Variants in RAD54L2 observed in about 807,000 individuals in gnomAD.
The protein encoded by RAD54L2 is helicase ARIP4.
In RAD54L2, 27 loss-of-function variants were observed where a neutral mutation model predicts 138.4. The ratio of observed to expected loss-of-function variants is 0.20; its 90% CI spans 0.14 to 0.27. The LOEUF is 0.27. Among genes scored for constraint, RAD54L2 ranks in the 10% least tolerant of loss-of-function variants. The pLI is 1.00. For missense variants in RAD54L2, 1,396 were observed against 1,890.2 expected (o/e 0.74, Z 4.85); for synonymous variants, 644 against 723.2 (o/e 0.89, Z 1.76).
At position 51,663,465 on chromosome 3, in the gene RAD54L2, C is replaced by T. The variant is rs1208542818; in HGVS notation, c.*45C>T. The T allele has an allele frequency of 2.5e-6, 4 of 1,576,686 alleles. No individual in the cohort carries two copies. The highest frequency in any genetic ancestry group is 3.5e-6 in the Non-Finnish European group (4 of 1,157,782). ...CTCACTTGGGGCCCCCAGCAGGTTG[C>T]CCACCAAGCTGAAAGGCAGTGATTT... is the stretch of plus-strand genomic sequence containing the variant. On this transcript the variant is annotated 3_prime_UTR_variant, in exon 23 of 23. Coordinates refer to ENST00000684192, the MANE Select transcript of RAD54L2 (RefSeq NM_015106.4).
rs1211786099 is a variant in RAD54L2 at position 51,635,737 on chromosome 3, C to G, written c.1287C>G (p.His429Gln). The G allele has an allele frequency of 6.2e-7, 1 of 1,613,748 alleles. No individual in the cohort carries two copies. Among genetic ancestry groups the G allele is most frequent in the Non-Finnish European group, 8.5e-7 (1 of 1,179,800 alleles). ...CGAAGAAAACCAAGAAGCGTTCTCA[C>G]CCAGTCATCATTGATCTAGATGAGG... is the stretch of plus-strand genomic sequence containing the variant. ...GRPKKTKKRSHPVIIDLDEED... is the reference protein window; with the variant it reads ...GRPKKTKKRSQPVIIDLDEED... The change falls in exon 10 of 23, where the codon CAC becomes CAG. Residue 429 changes from histidine to glutamine, a missense_variant. By Grantham distance (24) the His-to-Gln change is conservative (BLOSUM62 0). This residue lies in a region of RAD54L2 where 169 missense variants were observed against 235.6 expected (regional missense o/e 0.72). Coordinates refer to ENST00000684192, the MANE Select transcript of RAD54L2 (RefSeq NM_015106.4).
At chr3:51,543,537 G>A (rs1429621192) in intron 2 of RAD54L2, among the ~76,000 whole-genome samples, 1 of 151,720 alleles carries the variant, frequency 6.6e-6, no homozygotes, top group Non-Finnish European at 1.5e-5. Flanking sequence ...GAACCTAGGA[G>A]GCGGAGGTTG....
chr3:51,553,505 A>G (rs1432095467), intron 2 of RAD54L2, among the ~76,000 whole-genome samples: 1 of 152,138 alleles, frequency 6.6e-6, no homozygotes. Flanking sequence ...TGTCACACAC[A>G]TTTTTTGGTT....
At chr3:51,586,923 C>A (rs1442207393) in intron 2 of RAD54L2, among the ~76,000 whole-genome samples, 2 of 152,038 alleles carry the variant, frequency 1.3e-5, no homozygotes, top group Non-Finnish European at 2.9e-5. Context: ...GTGCTGTTTA[C>A]AACCATTGAC....
rs1043085630 is a variant in RAD54L2, at chr3:51,621,015, T to TA, written c.140-6528dup. On this transcript the variant is annotated intron_variant, in intron 3 of 22. Transcript: ENST00000684192. The stretch of plus-strand genomic sequence containing the variant: ...TTCACTTGATTCAGTGTTCAGAAGG[T>TA]AAAAAAAAAACAACACAGTGAAAAG... Among the ~76,000 whole-genome samples the TA allele has an allele frequency of 5.1e-3, 757 of 147,732 alleles. 5 individuals carry two copies. Among genetic ancestry groups the TA allele is most frequent in the African/African-American group, 0.017 (705 of 40,464 alleles).
intron 2 of RAD54L2, among the ~76,000 whole-genome samples, chr3:51,571,600 TCA>T (rs1699338903): frequency 6.6e-6 from 1 of 151,984 alleles, no homozygotes; most frequent in South Asian, 2.1e-4. Flanking sequence ...ACTTCTGACC[TCA>T]GGTGACCTGC....
chr3:51,588,528 G>C (rs1699760673), intron 2 of RAD54L2, among the ~76,000 whole-genome samples: 1 of 108,892 alleles, frequency 9.2e-6, no homozygotes, highest in African/African-American at 3.7e-5. Context: ...GAGTGAAACT[G>C]CATCTCAAAA....
At chr3:51,548,479 C>A (rs1000332260) in intron 2 of RAD54L2, among the ~76,000 whole-genome samples, 1 of 152,166 alleles carries the variant, frequency 6.6e-6, no homozygotes, top group Admixed American at 6.5e-5. Context: ...TGAGCCACCA[C>A]GCCCAGCCAA....
intron 12 of RAD54L2, 112 bp from the exon 13 acceptor site, chr3:51,639,307 A>G: frequency 1.5e-6 from 2 of 1,304,748 alleles, no homozygotes; most frequent in Non-Finnish European, 2.1e-6. Flanking sequence ...TTGGTGTGAC[A>G]GTGTTTATTG....
intron 9 of RAD54L2, among the ~76,000 whole-genome samples, chr3:51,634,707 T>TA (rs1700940614): frequency 6.6e-6 from 1 of 152,200 alleles, no homozygotes; most frequent in Non-Finnish European, 1.5e-5. Flanking sequence ...ATTTCACTTT[T>TA]CTTAAAAACC....
At chr3:51,610,657 A>AAAAAAAAAAAAAAAAAAAAAAC (rs1180965179) in intron 3 of RAD54L2, among the ~76,000 whole-genome samples, 1 of 151,184 alleles carries the variant, frequency 6.6e-6, no homozygotes, top group Middle Eastern at 3.2e-3. Context: ...AAAAAAAAAA[A>AAAAAAAAAAAAAAAAAAAAAAC]CAGAAAGAAT....
intron 16 of RAD54L2, 75 bp downstream of exon 16, chr3:51,644,049 TC>T (rs758377840): frequency 2.5e-6 from 3 of 1,180,946 alleles, no homozygotes; most frequent in Non-Finnish European, 3.6e-6. Context: ...ACCCCAAAAC[TC>T]CAAGTTCCCT....
chr3:51,551,004 A>G (rs1698821350), intron 2 of RAD54L2, among the ~76,000 whole-genome samples: 1 of 152,144 alleles, frequency 6.6e-6, no homozygotes, highest in Non-Finnish European at 1.5e-5. Context: ...CTGAGATGGC[A>G]CCACTGTACT....
intron 22 of RAD54L2, 42 bp downstream of exon 22, chr3:51,660,160 T>C (rs1315131849): frequency 6.8e-7 from 1 of 1,470,558 alleles, no homozygotes; most frequent in African/African-American, 1.4e-5. Context: ...TCAAACAACA[T>C]TTGTTTGCTT....
At chr3:51,634,131 A>G in intron 9 of RAD54L2, 96 bp downstream of exon 9, 1 of 1,430,526 alleles carries the variant, frequency 7.0e-7, no homozygotes. Context: ...TAGCCTGTGC[A>G]TCTAGATTTG....
At chr3:51,657,978 G>A (rs533211834) in intron 21 of RAD54L2, among the ~76,000 whole-genome samples, 20 of 134,136 alleles carry the variant, frequency 1.5e-4, no homozygotes, top group Admixed American at 1.4e-3. Flanking sequence ...AGGCTGGAGT[G>A]CAGTTGCGTG....
At chr3:51,559,013 A>G (rs1699037484) in intron 2 of RAD54L2, among the ~76,000 whole-genome samples, 1 of 152,016 alleles carries the variant, frequency 6.6e-6, no homozygotes, top group Non-Finnish European at 1.5e-5. Flanking sequence ...AGCTGGGATT[A>G]CAGGCGTATA....
chr3:51,660,217 A>G (rs922283876), intron 22 of RAD54L2, 99 bp downstream of exon 22: 4 of 853,992 alleles, frequency 4.7e-6, no homozygotes, highest in African/African-American at 3.3e-5. Context: ...TAATATGTAC[A>G]TGGTTCACAA....
At position 51,573,929 on chromosome 3, in the gene RAD54L2, G is replaced by A. The variant is rs567186676; in HGVS notation, c.-54-16438G>A. Reference sequence around the variant, plus strand: ...TGTTACATATGTATACATGTGCCATGTTGGTGTGCTGCACCCATTAACTCG... The same window carrying A: ...TGTTACATATGTATACATGTGCCATATTGGTGTGCTGCACCCATTAACTCG... On this transcript the variant is annotated intron_variant, in intron 2 of 22. Coordinates refer to ENST00000684192, the MANE Select transcript of RAD54L2 (RefSeq NM_015106.4). Among the ~76,000 whole-genome samples, 5 of 152,136 alleles carry A rather than the reference G, an allele frequency of 3.3e-5. No individual in the cohort carries two copies. The South Asian group carries it at 1.0e-3, about 32-fold the overall frequency.
Sources: allele counts gnomAD v4.1 joint callset (sites outside exome capture counted in the v4.1 genomes callset), GRCh38; gene constraint gnomAD v4.1.1; regional missense constraint gnomAD v4.1.1; transcripts MANE v1.5; gene names NCBI Gene and HGNC (gene_info 2026-07-23, HGNC 2026-07-21).